The following GPR158 variants were observed in gnomAD, a reference collection of about 807,000 sequenced individuals.
GPR158 encodes the protein G protein-coupled receptor 158, also known as metabotropic glycine receptor.
Under a neutral mutation model 78.2 loss-of-function variants are expected in GPR158, and 30 were observed. The observed-to-expected ratio is 0.38, with a 90% CI of 0.29 to 0.52. The LOEUF (loss-of-function observed/expected upper bound fraction) is 0.52, where lower values mean the gene tolerates loss of function less well. GPR158 is among the 20% of genes least tolerant of loss of function. The pLI is 0.83. For synonymous variants in GPR158, 581 were observed against 591.1 expected, an observed-to-expected ratio of 0.98 and a Z score of 0.25; for missense variants, 1,463 against 1,523.5, an observed-to-expected ratio of 0.96 and a Z score of 0.66.
intron 2 of GPR158, among the ~76,000 whole-genome samples, chr10:25,241,345 T>TTTCTC (rs1853621256): frequency 7.5e-6 from 1 of 133,056 alleles, no homozygotes; most frequent in African/African-American, 3.2e-5. Context: ...TCTTTTCTCT[T>TTTCTC]TTCTCTTTTC....
chr10:25,591,987 T>C (rs1264193253), intron 8 of GPR158, among the ~76,000 whole-genome samples: 2 of 152,028 alleles, frequency 1.3e-5, no homozygotes, highest in South Asian at 2.1e-4. Context: ...CCTGAACTTA[T>C]ACATGTGATG....
At chr10:25,374,766 A>G (rs547265723) in intron 2 of GPR158, among the ~76,000 whole-genome samples, 89 of 151,900 alleles carry the variant, frequency 5.9e-4, no homozygotes, top group African/African-American at 2.0e-3. Context: ...ATTCCATAAT[A>G]TGGATGTACT....
intron 6 of GPR158, among the ~76,000 whole-genome samples, chr10:25,571,741 A>G (rs748343697): frequency 6.6e-6 from 1 of 152,140 alleles, no homozygotes; most frequent in Non-Finnish European, 1.5e-5. Flanking sequence ...TCTTCAGAAA[A>G]TATTTAGAGA....
chr10:25,314,792 C>T (rs1854821490), intron 2 of GPR158, among the ~76,000 whole-genome samples: 1 of 141,264 alleles, frequency 7.1e-6, no homozygotes, highest in South Asian at 2.2e-4. Context: ...TATATGCACA[C>T]ACACAGTGCA....
chr10:25,234,252 T>C (rs1211224709), intron 2 of GPR158, among the ~76,000 whole-genome samples: 1 of 152,218 alleles, frequency 6.6e-6, no homozygotes, highest in African/African-American at 2.4e-5. Context: ...ATAACTCAGT[T>C]GTTCCCCTCT....
intron 2 of GPR158, among the ~76,000 whole-genome samples, chr10:25,283,535 G>T (rs183400909): frequency 6.6e-6 from 1 of 151,866 alleles, no homozygotes; most frequent in Admixed American, 6.6e-5. Context: ...AGGCATAAAT[G>T]GGTTAATGTT....
intron 5 of GPR158, among the ~76,000 whole-genome samples, chr10:25,504,759 A>G (rs1835989064): frequency 6.6e-6 from 1 of 152,184 alleles, no homozygotes; most frequent in Non-Finnish European, 1.5e-5. Flanking sequence ...TTAAGTTTAT[A>G]TAAATTTTTT....
At chr10:25,270,050 G>A (rs984083503) in intron 2 of GPR158, among the ~76,000 whole-genome samples, 2 of 151,998 alleles carry the variant, frequency 1.3e-5, no homozygotes, top group African/African-American at 4.8e-5. Context: ...CTGGTTCAAG[G>A]ACAAAGATTT....
chr10:25,557,582 AGGCCCCCAGCTAAAT>A lies in GPR158; in HGVS notation c.1514+6502_1514+6516del, dbSNP rs200750927. Among the ~76,000 whole-genome samples, 73 of 152,342 alleles carry A rather than the reference AGGCCCCCAGCTAAAT, an allele frequency of 4.8e-4. 1 individual carries two copies. In the East Asian group the frequency reaches 0.014, roughly 28 times the overall value. Reference sequence around the variant, plus strand: ...TCCTACTGTCCTGTCCGGCATGCAGAGGCCCCCAGCTAAATGGCCTAATGCTTTTTAACTGGGTTG... The same window carrying A: ...TCCTACTGTCCTGTCCGGCATGCAGAGGCCTAATGCTTTTTAACTGGGTTG... On this transcript the variant is annotated intron_variant, in intron 6 of 10. Transcript: ENST00000376351.
intron 2 of GPR158, among the ~76,000 whole-genome samples, chr10:25,335,536 T>G (rs1855185797): frequency 6.6e-6 from 1 of 152,020 alleles, no homozygotes; most frequent in Non-Finnish European, 1.5e-5. Flanking sequence ...TTCCGTAGAA[T>G]TTTCCTAAAT....
intron 2 of GPR158, among the ~76,000 whole-genome samples, chr10:25,304,944 A>G (rs1854649343): frequency 1.3e-5 from 2 of 152,198 alleles, no homozygotes; most frequent in African/African-American, 2.4e-5. Flanking sequence ...TGAAGAGTAC[A>G]TTCTTTTGGA....
intron 2 of GPR158, among the ~76,000 whole-genome samples, chr10:25,329,037 C>A (rs1231803790): frequency 6.6e-6 from 1 of 151,480 alleles, no homozygotes; most frequent in Non-Finnish European, 1.5e-5. Flanking sequence ...ATTTACTATT[C>A]CTAGCTAACT....
At chr10:25,279,275 C>T (rs142805715) in intron 2 of GPR158, among the ~76,000 whole-genome samples, 82 of 152,220 alleles carry the variant, frequency 5.4e-4, no homozygotes, top group African/African-American at 1.9e-3. Context: ...TGGAAATTGA[C>T]GGCCATAATA....
intron 2 of GPR158, among the ~76,000 whole-genome samples, chr10:25,376,776 T>A (rs528256503): frequency 6.6e-6 from 1 of 151,900 alleles, no homozygotes; most frequent in Non-Finnish European, 1.5e-5. Context: ...ACATCCTGAA[T>A]TAGCAGTTAT....
intron 2 of GPR158, among the ~76,000 whole-genome samples, chr10:25,241,184 TCTTTCCTTTCTTTCTTTC>T (rs1209913219): frequency 1.6e-3 from 173 of 111,098 alleles, no homozygotes; most frequent in African/African-American, 6.7e-3. Flanking sequence ...TTTCTTTCTT[TCTTTCCTTTCTTTCTTTC>T]CTTTCTTTCC....
chr10:25,360,992 C>T (rs1094831), intron 2 of GPR158, among the ~76,000 whole-genome samples: 106,793 of 151,698 alleles, frequency 0.7, 39,251 homozygotes, highest in Non-Finnish European at 0.84. Context: ...CTTGTAAGTG[C>T]GTTAATTATA....
chr10:25,236,865 T>C (rs1432254574), intron 2 of GPR158, among the ~76,000 whole-genome samples: 1 of 152,240 alleles, frequency 6.6e-6, no homozygotes, highest in Non-Finnish European at 1.5e-5. Context: ...TTGGATGCCT[T>C]TCCTTTCACT....
chr10:25,499,042 T>G (rs1835920182), intron 5 of GPR158, among the ~76,000 whole-genome samples: 1 of 152,156 alleles, frequency 6.6e-6, no homozygotes, highest in Non-Finnish European at 1.5e-5. Flanking sequence ...AGGAATCTGG[T>G]TAAGTGGGAA....
chr10:25,483,118 CTATT>C (rs1835681214), intron 5 of GPR158, among the ~76,000 whole-genome samples: 1 of 151,938 alleles, frequency 6.6e-6, no homozygotes, highest in South Asian at 2.1e-4. Flanking sequence ...CTATTATAGT[CTATT>C]TTCAACACAG....
Sources: gnomAD v4.1 joint callset for allele counts (sites outside exome capture counted in the v4.1 genomes callset) on GRCh38, gnomAD v4.1.1 for gene constraint, MANE v1.5 for transcripts, NCBI Gene and HGNC (gene_info 2026-07-23, HGNC 2026-07-21) for gene names.